Variants in NKAIN2 observed in about 807,000 individuals in gnomAD.
NKAIN2 encodes the protein sodium/potassium transporting ATPase interacting 2, also known as sodium/potassium-transporting ATPase subunit beta-1-interacting protein 2.
NKAIN2 carries 14 observed loss-of-function variants against 32.6 expected under a neutral mutation model. That is an observed-to-expected ratio of 0.43 (90% CI 0.28 to 0.67). NKAIN2 has a LOEUF of 0.67. NKAIN2 is among the 30% of genes least tolerant of loss of function. NKAIN2 has a pLI of 0.17. For missense variants in NKAIN2, 198 were observed against 258.3 expected (o/e 0.77, Z 1.60); for synonymous variants, 80 against 87.2 (o/e 0.92, Z 0.46).
intron 1 of NKAIN2, among the ~76,000 whole-genome samples, chr6:124,152,148 A>G (rs1787757235): frequency 6.6e-6 from 1 of 151,922 alleles, no homozygotes; most frequent in Non-Finnish European, 1.5e-5. Context: ...GTGGTGTGAG[A>G]TAGGGTTTTG....
At chr6:124,174,297 C>T (rs6900799) in intron 1 of NKAIN2, among the ~76,000 whole-genome samples, 27,303 of 152,004 alleles carry the variant, frequency 0.18, 2,564 homozygotes, top group East Asian at 0.28. Flanking sequence ...ATTCAAACTT[C>T]ACACTAAAAG....
At chr6:124,640,736 T>C (rs760525980) in intron 3 of NKAIN2, among the ~76,000 whole-genome samples, 3 of 152,220 alleles carry the variant, frequency 2.0e-5, no homozygotes, top group Non-Finnish European at 4.4e-5. Flanking sequence ...GTTCTAACTT[T>C]AGAGGTGGAA....
chr6:124,104,448 T>C (rs1785025634), intron 1 of NKAIN2, among the ~76,000 whole-genome samples: 1 of 152,192 alleles, frequency 6.6e-6, no homozygotes, highest in Non-Finnish European at 1.5e-5. Flanking sequence ...ATTTTTATGT[T>C]ATAGCAAGTG....
intron 3 of NKAIN2, among the ~76,000 whole-genome samples, chr6:124,636,285 A>G (rs912350341): frequency 6.6e-6 from 1 of 151,962 alleles, no homozygotes; most frequent in African/African-American, 2.4e-5. Context: ...AAAACGCAAT[A>G]CTAAGTAGAA....
intron 3 of NKAIN2, among the ~76,000 whole-genome samples, chr6:124,631,216 T>C (rs965932683): frequency 9.9e-5 from 15 of 152,196 alleles, no homozygotes; most frequent in African/African-American, 3.6e-4. Context: ...AGAATTTATA[T>C]GTAATCATTC....
intron 1 of NKAIN2, among the ~76,000 whole-genome samples, chr6:124,223,576 A>T (rs1395754100): frequency 5.3e-5 from 8 of 152,170 alleles, no homozygotes. Flanking sequence ...CTGTGATTTA[A>T]TCCCACTTAA....
rs78052439 is a variant in NKAIN2 at position 124,781,681 on chromosome 6, G to A, written c.475-9658G>A. Among the ~76,000 whole-genome samples the A allele has an allele frequency of 3.6e-3, 554 of 152,108 alleles. 3 individuals carry two copies. Among genetic ancestry groups the A allele is most frequent in the African/African-American group, 0.013 (532 of 41,498 alleles). On this transcript the variant is annotated intron_variant, in intron 4 of 6. Transcript: ENST00000368417. ...CACCCTTGCATTGGCTATGAGCTACGTAGAAAGAAGACAATCTAAGATTTA... is the reference window on the plus strand; with the variant it reads ...CACCCTTGCATTGGCTATGAGCTACATAGAAAGAAGACAATCTAAGATTTA...
chr6:123,971,013 C>T (rs1360609696), intron 1 of NKAIN2, among the ~76,000 whole-genome samples: 2 of 152,038 alleles, frequency 1.3e-5, no homozygotes, highest in African/African-American at 4.8e-5. Context: ...CAAAATTGTT[C>T]ATTTATTTGA....
intron 3 of NKAIN2, among the ~76,000 whole-genome samples, chr6:124,383,152 G>T (rs530604659): frequency 6.6e-6 from 1 of 152,200 alleles, no homozygotes; most frequent in Admixed American, 6.5e-5. Flanking sequence ...TCTCCCCCAG[G>T]CACCCTTTCC....
chr6:124,367,368 T>C (rs1415009889), intron 3 of NKAIN2, among the ~76,000 whole-genome samples: 2 of 152,092 alleles, frequency 1.3e-5, no homozygotes, highest in East Asian at 1.9e-4. Context: ...ACTTCAGTAA[T>C]TGTCTAGATC....
intron 3 of NKAIN2, among the ~76,000 whole-genome samples, chr6:124,364,160 G>A (rs1362182637): frequency 6.1e-5 from 9 of 147,778 alleles, no homozygotes; most frequent in South Asian, 2.1e-4. Flanking sequence ...TAAAAGAATA[G>A]AAGAGAGGAT....
intron 3 of NKAIN2, among the ~76,000 whole-genome samples, chr6:124,392,262 G>T (rs1773174599): frequency 6.6e-6 from 1 of 152,050 alleles, no homozygotes; most frequent in African/African-American, 2.4e-5. Context: ...AGCTTTGTAA[G>T]GCCCGTATTT....
intron 3 of NKAIN2, among the ~76,000 whole-genome samples, chr6:124,388,874 T>C (rs1274045927): frequency 6.6e-6 from 1 of 152,050 alleles, no homozygotes; most frequent in East Asian, 1.9e-4. Context: ...TTTTCCTGAT[T>C]AAAATGGACT....
At chr6:124,234,870 A>G (rs1423903087) in intron 1 of NKAIN2, among the ~76,000 whole-genome samples, 1 of 152,138 alleles carries the variant, frequency 6.6e-6, no homozygotes, top group East Asian at 1.9e-4. Flanking sequence ...TGCAGTGTGT[A>G]TTTTTATACT....
intron 3 of NKAIN2, among the ~76,000 whole-genome samples, chr6:124,460,788 T>G (rs1248077186): frequency 6.6e-6 from 1 of 151,738 alleles, no homozygotes; most frequent in Non-Finnish European, 1.5e-5. Flanking sequence ...TATTAATCAT[T>G]TTCTGTGTGA....
chr6:123,966,293 C>T (rs1778077065), intron 1 of NKAIN2, among the ~76,000 whole-genome samples: 1 of 152,102 alleles, frequency 6.6e-6, no homozygotes, highest in Non-Finnish European at 1.5e-5. Context: ...TCAACCTTGC[C>T]TTCCCTCCTG....
chr6:124,786,444 C>A (rs1358745321), intron 4 of NKAIN2, among the ~76,000 whole-genome samples: 2 of 152,146 alleles, frequency 1.3e-5, no homozygotes, highest in South Asian at 4.1e-4. Context: ...ACAATTAAAT[C>A]TTTTAAAATA....
intron 5 of NKAIN2, among the ~76,000 whole-genome samples, chr6:124,805,395 C>A (rs1354415688): frequency 6.6e-6 from 1 of 152,124 alleles, no homozygotes; most frequent in Non-Finnish European, 1.5e-5. Context: ...CTGGAGTGGA[C>A]CTCTAGCAAA....
rs1785786325 is a variant in NKAIN2 at position 124,119,729 on chromosome 6, A to G, written c.55-163276A>G. 2.0e-5 allele frequency among the ~76,000 whole-genome samples: 3 copies of G among 152,312 alleles called. No homozygotes were observed. In the South Asian group the frequency reaches 6.2e-4, roughly 32 times the overall value. On this transcript the variant is annotated intron_variant, in intron 1 of 6. Transcript: ENST00000368417. ...GATCTGACTGCCCTGGGCCTGCTGC[A>G]TTGAATTAAAACAGTCCATGTGAGC... is the stretch of plus-strand genomic sequence containing the variant.
Sources: allele counts gnomAD v4.1 joint callset (sites outside exome capture counted in the v4.1 genomes callset), GRCh38; gene constraint gnomAD v4.1.1; transcripts MANE v1.5; gene names NCBI Gene and HGNC (gene_info 2026-07-23, HGNC 2026-07-21).